The following ADGRL3 variants were observed in gnomAD, a reference collection of about 807,000 sequenced individuals.
ADGRL3 encodes the protein adhesion G protein-coupled receptor L3, also known as calcium-independent alpha-latrotoxin receptor 3.
A neutral mutation model predicts 153.5 loss-of-function variants in ADGRL3; 62 were observed. The ratio of observed to expected loss-of-function variants is 0.40; its 90% CI spans 0.33 to 0.50. ADGRL3 has a LOEUF of 0.50. ADGRL3 is among the 20% of genes least tolerant of loss of function. The pLI is 0.47. For missense variants in ADGRL3, 1,641 were observed against 1,859.4 expected (o/e 0.88, Z 2.16); for synonymous variants, 710 against 672.5 (o/e 1.06, Z -0.86).
At chr4:61,574,872 T>C (rs2098861320) in intron 4 of ADGRL3, among the ~76,000 whole-genome samples, 2 of 151,796 alleles carry the variant, frequency 1.3e-5, no homozygotes, top group Non-Finnish European at 2.9e-5. Flanking sequence ...ATTGGCTAAT[T>C]TATATGAGAA....
intron 2 of ADGRL3, among the ~76,000 whole-genome samples, chr4:61,474,502 A>G (rs1285222831): frequency 6.6e-6 from 1 of 152,164 alleles, no homozygotes; most frequent in East Asian, 1.9e-4. Context: ...TTTATAGAAT[A>G]TTATTAGTTG....
intron 4 of ADGRL3, among the ~76,000 whole-genome samples, chr4:61,529,721 C>T (rs2098600635): frequency 6.6e-6 from 1 of 151,746 alleles, no homozygotes; most frequent in African/African-American, 2.4e-5. Flanking sequence ...TATTCAAGAC[C>T]AGTTTTTTTT....
At chr4:61,370,614 T>C (rs1216022226) in intron 1 of ADGRL3, among the ~76,000 whole-genome samples, 2 of 152,192 alleles carry the variant, frequency 1.3e-5, no homozygotes, top group East Asian at 3.9e-4. Flanking sequence ...ATAATTTCTG[T>C]TCTTTTACAT....
At chr4:61,611,186 A>C (rs2091295634) in intron 5 of ADGRL3, among the ~76,000 whole-genome samples, 1 of 152,158 alleles carries the variant, frequency 6.6e-6, no homozygotes, top group Non-Finnish European at 1.5e-5. Context: ...CCTATGGCTC[A>C]GGAGTCCCCT....
chr4:61,871,120 T>C (rs1022798523), intron 9 of ADGRL3, among the ~76,000 whole-genome samples: 1 of 148,358 alleles, frequency 6.7e-6, no homozygotes, highest in Non-Finnish European at 1.5e-5. Context: ...CTACTAAAAA[T>C]ACAAAAAATT....
intron 18 of ADGRL3, among the ~76,000 whole-genome samples, chr4:61,981,773 C>T (rs1257392363): frequency 2.6e-5 from 4 of 152,056 alleles, no homozygotes; most frequent in South Asian, 2.1e-4. Context: ...ATAAATAGTT[C>T]GCTTACTTAA....
intron 2 of ADGRL3, among the ~76,000 whole-genome samples, chr4:61,482,093 T>C (rs1240842442): frequency 6.6e-6 from 1 of 152,200 alleles, no homozygotes; most frequent in Non-Finnish European, 1.5e-5. Context: ...ACAGACTTGC[T>C]AGAAGAACCA....
chr4:62,063,265 CTT>C (rs1157890519), intron 25 of ADGRL3, among the ~76,000 whole-genome samples: 1 of 151,914 alleles, frequency 6.6e-6, no homozygotes, highest in African/African-American at 2.4e-5. Context: ...AAGATAAAAC[CTT>C]AAATGTAGCT....
intron 9 of ADGRL3, among the ~76,000 whole-genome samples, chr4:61,833,756 A>G (rs1396151981): frequency 1.3e-5 from 2 of 152,132 alleles, no homozygotes; most frequent in African/African-American, 4.8e-5. Context: ...ACAAAGGCAA[A>G]CTAGTCCCCA....
At chr4:61,512,677 A>G (rs1421673756) in intron 3 of ADGRL3, among the ~76,000 whole-genome samples, 3 of 152,146 alleles carry the variant, frequency 2.0e-5, no homozygotes, top group Non-Finnish European at 4.4e-5. Context: ...ATATTATGAA[A>G]TGTGATTATC....
At chr4:61,523,496 A>G (rs1237707170) in intron 4 of ADGRL3, among the ~76,000 whole-genome samples, 2 of 152,008 alleles carry the variant, frequency 1.3e-5, no homozygotes, top group African/African-American at 4.8e-5. Flanking sequence ...CAAGACTTAG[A>G]GTCTAATTGA....
intron 8 of ADGRL3, among the ~76,000 whole-genome samples, chr4:61,763,782 T>A (rs1404546455): frequency 6.6e-6 from 1 of 152,102 alleles, no homozygotes; most frequent in Non-Finnish European, 1.5e-5. Flanking sequence ...AATTCTAAGG[T>A]TGAAAGTTAC....
At chr4:61,618,980 A>C (rs943947303) in intron 5 of ADGRL3, among the ~76,000 whole-genome samples, 3 of 152,196 alleles carry the variant, frequency 2.0e-5, no homozygotes, top group Non-Finnish European at 2.9e-5. Context: ...GGCCTCCCAA[A>C]GTACTGGGAT....
intron 2 of ADGRL3, among the ~76,000 whole-genome samples, chr4:61,461,978 T>G (rs927620837): frequency 2.0e-5 from 3 of 152,190 alleles, no homozygotes; most frequent in African/African-American, 7.2e-5. Flanking sequence ...CACTGAAACA[T>G]CTTAAGCACT....
chr4:61,584,585 A>T (rs1373177784), intron 4 of ADGRL3, among the ~76,000 whole-genome samples: 2 of 151,968 alleles, frequency 1.3e-5, no homozygotes, highest in Non-Finnish European at 2.9e-5. Context: ...ACCTTTTTTT[A>T]AAAAACTTAA....
intron 1 of ADGRL3, among the ~76,000 whole-genome samples, chr4:61,277,571 A>T (rs1001653988): frequency 2.0e-5 from 3 of 152,094 alleles, no homozygotes. Flanking sequence ...TAAAATCCAC[A>T]ATCCAAAATC....
chr4:61,307,569 T>G (rs1238719814), intron 1 of ADGRL3, among the ~76,000 whole-genome samples: 1 of 152,196 alleles, frequency 6.6e-6, no homozygotes, highest in African/African-American at 2.4e-5. Context: ...ATATTTTTAA[T>G]ATGTTATTCA....
chr4:61,656,110 G>T (rs1411544981), intron 5 of ADGRL3, among the ~76,000 whole-genome samples: 1 of 152,162 alleles, frequency 6.6e-6, no homozygotes, highest in Non-Finnish European at 1.5e-5. Context: ...TTGCCAAAAG[G>T]TCAATAAAAT....
intron 1 of ADGRL3, among the ~76,000 whole-genome samples, chr4:61,254,063 T>C (rs1421843496): frequency 2.0e-5 from 3 of 152,176 alleles, no homozygotes; most frequent in South Asian, 2.1e-4. Flanking sequence ...TAATCAGTAG[T>C]TGAGAAAAAG....
Sources: gnomAD v4.1 joint callset for allele counts (sites outside exome capture counted in the v4.1 genomes callset) on GRCh38, gnomAD v4.1.1 for gene constraint, MANE v1.5 for transcripts, NCBI Gene and HGNC (gene_info 2026-07-23, HGNC 2026-07-21) for gene names.